Variants in DOCK2 observed in about 807,000 individuals in gnomAD.
DOCK2 encodes dedicator of cytokinesis protein 2.
DOCK2 carries 87 observed loss-of-function variants against 248.9 expected under a neutral mutation model. That is an observed-to-expected ratio of 0.35 (90% CI 0.29 to 0.42). The LOEUF is 0.42. Ranked by LOEUF, DOCK2 falls within the 10% of genes least tolerant of loss-of-function variation. The pLI, the probability that DOCK2 is intolerant of heterozygous loss-of-function variation, is 1.00. For missense variants in DOCK2, 1,747 were observed against 2,300.2 expected (o/e 0.76, Z 4.92); for synonymous variants, 805 against 821.6 (o/e 0.98, Z 0.35).
chr5:169,807,859 A>AAAAAAAAAC (rs1561717077), intron 26 of DOCK2, among the ~76,000 whole-genome samples: 1 of 149,202 alleles, frequency 6.7e-6, no homozygotes, highest in Non-Finnish European at 1.5e-5. Context: ...AAAAAAAAAA[A>AAAAAAAAAC]TCTAGCATCT....
intron 2 of DOCK2, among the ~76,000 whole-genome samples, chr5:169,660,237 C>T (rs918949615): frequency 1.3e-5 from 2 of 152,050 alleles, no homozygotes; most frequent in African/African-American, 2.4e-5. Context: ...CAAAGGCTGA[C>T]GTGAGAGAAT....
intron 27 of DOCK2, among the ~76,000 whole-genome samples, chr5:169,902,973 C>A (rs1246285089): frequency 6.6e-6 from 1 of 152,094 alleles, no homozygotes; most frequent in Non-Finnish European, 1.5e-5. Context: ...TGGCACATGC[C>A]TGTAGTCCCA....
At chr5:170,061,567 A>C (rs1235643336) in intron 44 of DOCK2, among the ~76,000 whole-genome samples, 1 of 152,194 alleles carries the variant, frequency 6.6e-6, no homozygotes, top group Non-Finnish European at 1.5e-5. Context: ...TAGGCCTTTC[A>C]CCAACTATAC....
chr5:169,937,635 A>ATAT (rs4041976), intron 27 of DOCK2, among the ~76,000 whole-genome samples: 71,366 of 151,836 alleles, frequency 0.47, 16,877 homozygotes, highest in South Asian at 0.62. Context: ...TATGAGGGAG[A>ATAT]TATAATTATT....
chr5:169,789,506 A>G (rs956607360), intron 25 of DOCK2, among the ~76,000 whole-genome samples: 1 of 152,204 alleles, frequency 6.6e-6, no homozygotes, highest in Non-Finnish European at 1.5e-5. Flanking sequence ...GGTAAGGAGC[A>G]TATGTTGTCA....
intron 27 of DOCK2, among the ~76,000 whole-genome samples, chr5:169,966,616 C>G (rs995948267): frequency 7.9e-5 from 12 of 152,272 alleles, no homozygotes; most frequent in Admixed American, 5.2e-4. Flanking sequence ...GGACCTGGCT[C>G]CATACCCTTA....
intron 27 of DOCK2, among the ~76,000 whole-genome samples, chr5:169,942,060 A>G (rs1378984474): frequency 6.6e-6 from 1 of 152,242 alleles, no homozygotes; most frequent in Non-Finnish European, 1.5e-5. Context: ...ACAGTTCGAC[A>G]TGAGAAGGAT....
rs543945434 is a variant in DOCK2, at chr5:170,003,616, C to A, written c.3073-4881C>A. On this transcript the variant is annotated intron_variant, in intron 30 of 51. Transcript: ENST00000520908. The stretch of plus-strand genomic sequence containing the variant: ...GGTGTGAGAACCACAGTGAGTGAAG[C>A]CATGGAGACCAAAATGCTCCTGTGA... Among the ~76,000 whole-genome samples, 19 of 152,166 alleles carry A rather than the reference C, an allele frequency of 1.2e-4. 1 individual carries two copies. The highest frequency in any genetic ancestry group is 1.5e-4 in the Non-Finnish European group (10 of 68,022).
intron 34 of DOCK2, among the ~76,000 whole-genome samples, chr5:170,033,019 C>A (rs929859619): frequency 1.3e-5 from 2 of 152,194 alleles, no homozygotes; most frequent in African/African-American, 4.8e-5. Context: ...CTTACTATCA[C>A]ACTGATACTG....
At position 169,840,788 on chromosome 5, in the gene DOCK2, T is replaced by C. The variant is rs1220969226; in HGVS notation, c.2735T>C (p.Met912Thr). ...ACCTACCACCATATCCAGGAGATCA[T>C]GGTCCAGCTGCTGCGGACAGTGAAC... ...AFTYHHIQEI[M>T]VQLLRTVNRT... The change falls in exon 27 of 52, where the codon ATG becomes ACG. Residue 912 changes from methionine to threonine, a missense_variant. By Grantham distance (81) the Met-to-Thr change is moderately conservative. This residue lies in a region of DOCK2 where 858 missense variants were observed against 1,183.5 expected (regional missense o/e 0.72). Transcript: ENST00000520908. 5 of 1,613,924 alleles carry C rather than the reference T, an allele frequency of 3.1e-6. No individual in the cohort carries two copies. Among genetic ancestry groups the C allele is most frequent in the Admixed American group, 1.7e-5 (1 of 59,996 alleles).
chr5:169,961,989 A>AAAAAAATAAAAAAAAAT (rs1777107684), intron 27 of DOCK2, among the ~76,000 whole-genome samples: 1 of 149,928 alleles, frequency 6.7e-6, no homozygotes. Flanking sequence ...AAAAAAAAAA[A>AAAAAAATAAAAAAAAAT]AAAAAATGGA....
At chr5:169,966,189 G>A (rs1777291956) in intron 27 of DOCK2, among the ~76,000 whole-genome samples, 1 of 152,162 alleles carries the variant, frequency 6.6e-6, no homozygotes, top group Non-Finnish European at 1.5e-5. Flanking sequence ...TTGATTTAGT[G>A]CAGTAAGGAT....
chr5:169,694,253 T>A (rs144273536), intron 9 of DOCK2, among the ~76,000 whole-genome samples: 265 of 152,338 alleles, frequency 1.7e-3, no homozygotes, highest in Non-Finnish European at 3.2e-3. Flanking sequence ...GAGAATTAAC[T>A]CGAAGGAGAA....
In DOCK2 at chr5:169,647,707, T is replaced by G. The variant is rs531842052; in HGVS notation, c.44-6696T>G. ...CTGTCACACCCTCTCCCCACCTCCT[T>G]GGGGGCTCTCAGTCCAGTTCTTCCC... On this transcript the variant is annotated intron_variant, in intron 1 of 51. Transcript: ENST00000520908. Among the ~76,000 whole-genome samples the G allele has an allele frequency of 6.4e-4, 97 of 152,184 alleles. 1 individual carries two copies. Among genetic ancestry groups the G allele is most frequent in the African/African-American group, 2.2e-3 (92 of 41,534 alleles).
At chr5:169,640,543 A>G (rs1205054778) in intron 1 of DOCK2, among the ~76,000 whole-genome samples, 1 of 152,232 alleles carries the variant, frequency 6.6e-6, no homozygotes, top group Non-Finnish European at 1.5e-5. Context: ...TTTGAACTTG[A>G]GCTTATACAG....
chr5:170,028,415 A>G, intron 34 of DOCK2: 1 of 154,788 alleles, frequency 6.5e-6, no homozygotes, highest in South Asian at 2.0e-4. Flanking sequence ...GGCTGAGGGA[A>G]GTAAGCACAT....
intron 29 of DOCK2, among the ~76,000 whole-genome samples, chr5:169,995,788 C>A (rs916490119): frequency 6.6e-6 from 1 of 152,120 alleles, no homozygotes; most frequent in Non-Finnish European, 1.5e-5. Context: ...GGGGTGATTT[C>A]TCTTTAGATC....
At chr5:169,673,242 C>T (rs1167823533) in intron 5 of DOCK2, among the ~76,000 whole-genome samples, 6 of 151,812 alleles carry the variant, frequency 4.0e-5, no homozygotes, top group Non-Finnish European at 7.4e-5. Flanking sequence ...ATCTAGGGGC[C>T]CACCTAGAAT....
At chr5:169,810,718 G>C (rs1433115320) in intron 26 of DOCK2, among the ~76,000 whole-genome samples, 2 of 152,096 alleles carry the variant, frequency 1.3e-5, no homozygotes, top group Admixed American at 1.3e-4. Context: ...GGATTTTCCT[G>C]CTTCCTTAAA....
Sources: gnomAD v4.1 joint callset for allele counts (sites outside exome capture counted in the v4.1 genomes callset) on GRCh38, gnomAD v4.1.1 for gene constraint, gnomAD v4.1.1 regional missense constraint, MANE v1.5 for transcripts, NCBI Gene and HGNC (gene_info 2026-07-23, HGNC 2026-07-21) for gene names.